Variants in SUZ12 observed in about 807,000 individuals in gnomAD.
SUZ12 encodes SUZ12 polycomb repressive complex 2 subunit.
A neutral mutation model predicts 87.3 loss-of-function variants in SUZ12; 17 were observed. The observed-to-expected ratio is 0.19, with a 90% CI of 0.13 to 0.29. SUZ12 has a LOEUF of 0.29. SUZ12 is among the 10% of genes least tolerant of loss of function. SUZ12 has a pLI of 1.00. For missense variants in SUZ12, 526 were observed against 912.2 expected, an observed-to-expected ratio of 0.58 and a Z score of 5.45; for synonymous variants, 253 against 312.4, an observed-to-expected ratio of 0.81 and a Z score of 2.01.
At chr17:31,969,514 C>G (rs554590301) in intron 5 of SUZ12, among the ~76,000 whole-genome samples, 1 of 151,490 alleles carries the variant, frequency 6.6e-6, no homozygotes, top group South Asian at 2.1e-4. Context: ...AGTCTGGACT[C>G]AAACTCCTGG....
chr17:31,989,866 C>T (rs1456792586), intron 10 of SUZ12, among the ~76,000 whole-genome samples: 1 of 151,600 alleles, frequency 6.6e-6, no homozygotes, highest in East Asian at 1.9e-4. Flanking sequence ...GCCTTGGCCT[C>T]CCAAAGTGCT....
chr17:31,969,462 A>G (rs538167811), intron 5 of SUZ12, among the ~76,000 whole-genome samples: 68 of 150,382 alleles, frequency 4.5e-4, no homozygotes, highest in African/African-American at 1.6e-3. Context: ...CCTAATTTTT[A>G]TATTTTTAAT....
At chr17:31,942,139 A>G (rs545339497) in intron 3 of SUZ12, among the ~76,000 whole-genome samples, 47 of 152,340 alleles carry the variant, frequency 3.1e-4, no homozygotes, top group Non-Finnish European at 5.9e-4. Flanking sequence ...GGCGTGAGCC[A>G]CTGCGCCCGG....
intron 12 of SUZ12, 29 bp downstream of exon 12, chr17:31,994,037 T>C (rs778134707): frequency 1.9e-6 from 3 of 1,603,698 alleles, no homozygotes; most frequent in African/African-American, 2.7e-5. Flanking sequence ...TTTCTCAATT[T>C]GTGTTAAGAA....
intron 4 of SUZ12, chr17:31,965,546 A>G (rs1908038566): frequency 6.6e-6 from 1 of 152,222 alleles, no homozygotes; most frequent in Non-Finnish European, 1.5e-5. Flanking sequence ...TGAAACAGTA[A>G]ATTATAGATC....
intron 6 of SUZ12, among the ~76,000 whole-genome samples, chr17:31,974,691 GAGCGTA>G (rs1051297807): frequency 5.9e-5 from 9 of 152,162 alleles, no homozygotes; most frequent in African/African-American, 2.2e-4. Context: ...GTCATCTCCG[GAGCGTA>G]AGACCTGGGG....
At chr17:31,977,049 A>C (rs547866672) in intron 8 of SUZ12, among the ~76,000 whole-genome samples, 2 of 152,324 alleles carry the variant, frequency 1.3e-5, no homozygotes, top group Non-Finnish European at 2.9e-5. Flanking sequence ...GGGAGGAGGT[A>C]GTATTTGAGA....
At chr17:31,943,717 T>C (rs1243718412) in intron 3 of SUZ12, among the ~76,000 whole-genome samples, 3 of 152,128 alleles carry the variant, frequency 2.0e-5, no homozygotes, top group Admixed American at 2.0e-4. Flanking sequence ...TTTTTTTTTT[T>C]TGAGACAGAG....
chr17:31,953,311 C>T (rs1197207990), intron 4 of SUZ12, among the ~76,000 whole-genome samples: 3 of 151,884 alleles, frequency 2.0e-5, no homozygotes, highest in African/African-American at 7.3e-5. Flanking sequence ...AGGGTTTCAC[C>T]TATTGGCCAG....
chr17:31,975,952 G>T (rs1456898292), intron 7 of SUZ12, among the ~76,000 whole-genome samples: 1 of 152,174 alleles, frequency 6.6e-6, no homozygotes, highest in South Asian at 2.1e-4. Flanking sequence ...TATTATACTT[G>T]TTGTGTATTT....
chr17:31,946,885 T>A (rs1337530630), intron 3 of SUZ12, among the ~76,000 whole-genome samples: 1 of 152,202 alleles, frequency 6.6e-6, no homozygotes, highest in Admixed American at 6.5e-5. Context: ...CTCTTAAACT[T>A]GTCAAGTTAA....
At chr17:31,976,693 T>C (rs1006579058) in intron 8 of SUZ12, 79 bp downstream of exon 8, 3 of 1,050,692 alleles carry the variant, frequency 2.9e-6, no homozygotes, top group Non-Finnish European at 4.1e-6. Flanking sequence ...ATTATTTATA[T>C]TGATTATTTC....
chr17:31,990,040 C>T (rs548001011), intron 10 of SUZ12, among the ~76,000 whole-genome samples: 25 of 150,612 alleles, frequency 1.7e-4, no homozygotes, highest in African/African-American at 5.4e-4. Context: ...CTGCAAGCTC[C>T]ACCTCCTGGG....
chr17:31,973,036 A>G, intron 5 of SUZ12, 110 bp from the exon 6 acceptor site: 1 of 983,994 alleles, frequency 1.0e-6, no homozygotes, highest in Non-Finnish European at 1.4e-6. Context: ...AACTTTTGAG[A>G]AGTCTTACTG....
chr17:31,984,799 T>G (rs1909314989), intron 9 of SUZ12, among the ~76,000 whole-genome samples: 1 of 152,194 alleles, frequency 6.6e-6, no homozygotes, highest in Non-Finnish European at 1.5e-5. Flanking sequence ...ATTAAAAGTT[T>G]GACAGTTTCT....
At chr17:31,939,406 G>GA (rs924921007) in intron 1 of SUZ12, among the ~76,000 whole-genome samples, 12 of 145,514 alleles carry the variant, frequency 8.2e-5, no homozygotes, top group Admixed American at 5.5e-4. Context: ...TTCAAAAAAA[G>GA]AAAAAAAAAA....
chr17:31,988,349 G>T lies in SUZ12; in HGVS notation c.1053G>T (p.Gln351His). ...KRLPPFETFS[Q>H]GPTLQFTLRW... ...TGCCTCCATTCGAAACATTTTCTCA[G>T]GGACCTACGTTGCAGTTCACTCTTC... Residue 351 changes from glutamine to histidine, a missense_variant, in exon 10 of 16, where the codon CAG becomes CAT. Coordinates refer to ENST00000322652, the MANE Select transcript of SUZ12 (RefSeq NM_015355.4). The T allele has an allele frequency of 6.3e-7, 1 of 1,580,296 alleles. No individual in the cohort carries two copies. The highest frequency in any genetic ancestry group is 1.2e-5 in the South Asian group (1 of 84,804).
At chr17:31,968,466 A>G (rs1908224009) in intron 5 of SUZ12, among the ~76,000 whole-genome samples, 1 of 152,180 alleles carries the variant, frequency 6.6e-6, no homozygotes, top group African/African-American at 2.4e-5. Flanking sequence ...TCCTGGTCTC[A>G]AGTGATCCTC....
intron 4 of SUZ12, among the ~76,000 whole-genome samples, chr17:31,951,712 G>A (rs1294004336): frequency 4.6e-5 from 7 of 150,722 alleles, no homozygotes; most frequent in Non-Finnish European, 7.4e-5. Flanking sequence ...TCCTGACCTC[G>A]TGATCCACCC....
Sources: gnomAD v4.1 joint callset for allele counts (sites outside exome capture counted in the v4.1 genomes callset) on GRCh38, gnomAD v4.1.1 for gene constraint, MANE v1.5 for transcripts, NCBI Gene and HGNC (gene_info 2026-07-23, HGNC 2026-07-21) for gene names.